Variants in RNF19A observed in about 807,000 individuals in gnomAD.
The protein encoded by RNF19A is ring finger protein 19A, RBR E3 ubiquitin protein ligase, also known as E3 ubiquitin-protein ligase RNF19A.
A neutral mutation model predicts 75.7 loss-of-function variants in RNF19A; 32 were observed. That is an observed-to-expected ratio of 0.42 (90% confidence interval 0.32 to 0.57). The LOEUF (loss-of-function observed/expected upper bound fraction) is 0.57. Among genes scored for constraint, RNF19A ranks in the 20% least tolerant of loss-of-function variants. The pLI, the probability that RNF19A is intolerant of heterozygous loss-of-function variation, is 0.10. For synonymous variants in RNF19A, 335 were observed against 345.2 expected, an observed-to-expected ratio of 0.97 and a Z score of 0.33; for missense variants, 782 against 1,036.3, an observed-to-expected ratio of 0.75 and a Z score of 3.37.
intron 1 of RNF19A, among the ~76,000 whole-genome samples, chr8:100,307,059 A>G (rs1822090840): frequency 6.6e-6 from 1 of 152,246 alleles, no homozygotes; most frequent in Non-Finnish European, 1.5e-5. Context: ...AATGAAATGT[A>G]AATTTAGAAA....
Position 100,320,256 on chromosome 8 carries a change from T to C in RNF19A, c.-242-6884A>G. On this transcript the variant is annotated intron_variant, in intron 1 of 3. Coordinates refer to the RNF19A transcript ENST00000519527. ...AAATTTTACATAAATGATTTTATAC[T>C]GAATGTATCATTTTATAGCCTTTAT... Among the ~76,000 whole-genome samples the C allele has an allele frequency of 2.6e-5, 4 of 152,386 alleles. 1 individual carries two copies. Among genetic ancestry groups the C allele is most frequent in the Admixed American group, 2.6e-4 (4 of 15,308 alleles).
intron 2 of RNF19A, among the ~76,000 whole-genome samples, chr8:100,285,154 C>T (rs1443926787): frequency 6.6e-6 from 1 of 152,074 alleles, no homozygotes; most frequent in Admixed American, 6.5e-5. Context: ...CAGTACTTAC[C>T]TAGGAGTTGA....
intron 1 of RNF19A, among the ~76,000 whole-genome samples, chr8:100,288,951 T>G (rs1319074537): frequency 6.6e-6 from 1 of 151,312 alleles, no homozygotes; most frequent in African/African-American, 2.4e-5. Context: ...TCCCAGCTAT[T>G]CGGGAGGCTG....
chr8:100,257,142 T>C lies in RNF19A; in HGVS notation c.*1414A>G, dbSNP rs1245906290. The C allele has an allele frequency of 6.6e-6, 1 of 152,532 alleles. No individual in the cohort carries two copies. Among genetic ancestry groups the C allele is most frequent in the African/African-American group, 2.4e-5 (1 of 41,416 alleles). The allele number at this position is 152,532 out of a possible 1,614,324, so 9.4% of individuals were successfully genotyped here. ...TAAACAAAATTGGAATGCAAACAAATATACAAATACCATAAGCATTATCAA... is the reference window on the plus strand; with the variant it reads ...TAAACAAAATTGGAATGCAAACAAACATACAAATACCATAAGCATTATCAA... On this transcript the variant is annotated 3_prime_UTR_variant, in exon 10 of 10. Transcript: ENST00000341084.
intron 1 of RNF19A, among the ~76,000 whole-genome samples, chr8:100,319,927 C>T (rs1169531725): frequency 6.6e-6 from 1 of 151,500 alleles, no homozygotes; most frequent in African/African-American, 2.4e-5. Flanking sequence ...CCTCTGCCTC[C>T]CGGGTTCAAG....
intron 5 of RNF19A, among the ~76,000 whole-genome samples, chr8:100,265,541 G>C (rs925715557): frequency 2.0e-5 from 3 of 152,140 alleles, no homozygotes; most frequent in African/African-American, 7.2e-5. Context: ...TTCATGGTTT[G>C]CAAGGGCTAA....
chr8:100,295,774 C>T (rs1158153431), intron 1 of RNF19A, among the ~76,000 whole-genome samples: 1 of 152,044 alleles, frequency 6.6e-6, no homozygotes, highest in Non-Finnish European at 1.5e-5. Context: ...CTAATTTTGG[C>T]CCAAAGTAAA....
At position 100,316,587 on chromosome 8, in the gene RNF19A, C is replaced by T. The variant is rs376226880; in HGVS notation, c.-242-3215G>A. 1.6e-3 allele frequency among the ~76,000 whole-genome samples: 240 copies of T among 152,228 alleles called. 2 individuals are homozygous for T. The highest frequency in any genetic ancestry group is 5.4e-3 in the African/African-American group (224 of 41,534). On this transcript the variant is annotated intron_variant, in intron 1 of 3. Coordinates refer to the RNF19A transcript ENST00000519527. The stretch of plus-strand genomic sequence containing the variant: ...ACCAGAGCAGCTAGATACAGAGCGT[C>T]GATTGGTGCACTCACAAACCCTGAG...
intron 1 of RNF19A, among the ~76,000 whole-genome samples, chr8:100,326,990 G>A (rs567412422): frequency 1.3e-5 from 2 of 152,264 alleles, no homozygotes; most frequent in East Asian, 1.9e-4. Context: ...TGGTCTAAAC[G>A]TTCTGATTAA....
At chr8:100,309,506 A>G in intron 1 of RNF19A, 1 of 985,312 alleles carries the variant, frequency 1.0e-6, no homozygotes. Flanking sequence ...GCTCGAGGGG[A>G]GCGCCGCCTC....
At chr8:100,279,554 A>AT (rs1008980557) in intron 2 of RNF19A, among the ~76,000 whole-genome samples, 3 of 151,064 alleles carry the variant, frequency 2.0e-5, no homozygotes, top group African/African-American at 7.3e-5. Flanking sequence ...TTGTACTTTT[A>AT]TTTTTTATTT....
At chr8:100,286,490 TGTTA>T (rs1821026086) in intron 2 of RNF19A, among the ~76,000 whole-genome samples, 1 of 152,198 alleles carries the variant, frequency 6.6e-6, no homozygotes, top group Non-Finnish European at 1.5e-5. Context: ...GATGGTAAAG[TGTTA>T]GTGATACCTG....
At chr8:100,272,795 C>T (rs1318205047) in intron 3 of RNF19A, among the ~76,000 whole-genome samples, 1 of 152,138 alleles carries the variant, frequency 6.6e-6, no homozygotes, top group East Asian at 1.9e-4. Context: ...AGCAATCTGG[C>T]CGCTTTGGCC....
At chr8:100,315,542 T>C (rs541142101) in intron 1 of RNF19A, among the ~76,000 whole-genome samples, 81 of 152,356 alleles carry the variant, frequency 5.3e-4, no homozygotes, top group African/African-American at 1.8e-3. Flanking sequence ...AATGTGCTAC[T>C]TCTTGACTCT....
At position 100,258,951 on chromosome 8, in the gene RNF19A, A is replaced by C. The variant is rs372896846; in HGVS notation, c.2122T>G (p.Phe708Val). The C allele has an allele frequency of 5.0e-6, 8 of 1,614,100 alleles. No homozygotes were observed. The African/African-American group carries it at 1.1e-4, about 22-fold the overall frequency. Residue 708 changes from phenylalanine (F) to valine (V), a missense_variant, in exon 10 of 10, where the codon TTT (phenylalanine) becomes GTT (valine). By Grantham distance (50) the Phe-to-Val change is conservative (BLOSUM62 -1). This residue lies in a region of RNF19A where 442 missense variants were observed against 541.6 expected (regional missense o/e 0.82). Coordinates refer to ENST00000341084, the MANE Select transcript of RNF19A (RefSeq NM_183419.4). The surrounding 1 kb of genome is among the most constrained non-coding windows in gnomAD (Gnocchi z 4.3). ...CTGTCACTGAGGGATGGAGCCTCAA[A>C]TTCACTTGAGTTCGTGCTTTGTTGT... is the stretch of plus-strand genomic sequence containing the variant. Reference protein sequence around the residue: ...LEQQSTNSSEFEAPSLSDSMP... With the variant: ...LEQQSTNSSEVEAPSLSDSMP...
At chr8:100,285,972 C>T (rs1820998246) in intron 2 of RNF19A, among the ~76,000 whole-genome samples, 1 of 152,082 alleles carries the variant, frequency 6.6e-6, no homozygotes, top group African/African-American at 2.4e-5. Flanking sequence ...TATAATGACT[C>T]ACAAAAAGTT....
chr8:100,297,057 A>C lies in RNF19A; in HGVS notation c.-93-8790T>G, dbSNP rs151288547. On this transcript the variant is annotated intron_variant, in intron 1 of 9. Coordinates refer to ENST00000341084, the MANE Select transcript of RNF19A (RefSeq NM_183419.4). Reference sequence around the variant, plus strand: ...GGTGACCATAAATATGTCCATAAAGATATTATAATGCTATTGTGTCATCTT... The same window carrying C: ...GGTGACCATAAATATGTCCATAAAGCTATTATAATGCTATTGTGTCATCTT... Among the ~76,000 whole-genome samples, 395 of 152,352 alleles carry C rather than the reference A, an allele frequency of 2.6e-3. 2 individuals carry two copies. Among genetic ancestry groups the C allele is most frequent in the African/African-American group, 9.4e-3 (390 of 41,574 alleles).
At chr8:100,334,863 C>T (rs1383482853) in intron 1 of RNF19A, among the ~76,000 whole-genome samples, 1 of 152,186 alleles carries the variant, frequency 6.6e-6, no homozygotes, top group Non-Finnish European at 1.5e-5. Flanking sequence ...TGTTTACCTT[C>T]AAATTGACAA....
In RNF19A at chr8:100,275,146, T is replaced by C. The variant is rs746958850; in HGVS notation, c.690A>G (p.Ala230=). ...ATTTTGGACAGCTGGCACATCCAAA[T>C]GCTATCACAGCATATCTTGAAAGAA... ...PAPDCGYAVI[A]FGCASCPKLT... is the part of the protein sequence containing the mutation. The change falls in exon 3 of 10, where the codon GCA becomes GCG. Residue 230 remains alanine, a synonymous_variant. Coordinates refer to ENST00000341084, the MANE Select transcript of RNF19A (RefSeq NM_183419.4). This position sits in a 1 kb window ranked among gnomAD's most constrained non-coding sequence, Gnocchi z 4.3. 9.3e-6 allele frequency: 15 copies of C among 1,613,978 alleles called. No homozygotes were observed. Among genetic ancestry groups the C allele is most frequent in the Non-Finnish European group, 1.3e-5 (15 of 1,179,852 alleles).
Sources: allele counts gnomAD v4.1 joint callset (sites outside exome capture counted in the v4.1 genomes callset), GRCh38; gene constraint gnomAD v4.1.1; regional missense constraint gnomAD v4.1.1; non-coding constraint Gnocchi (gnomAD v3.1); transcripts MANE v1.5; gene names NCBI Gene and HGNC (gene_info 2026-07-23, HGNC 2026-07-21).